Variants in PPARGC1A observed in about 807,000 individuals in gnomAD.
PPARGC1A encodes peroxisome proliferator-activated receptor gamma coactivator 1-alpha.
Under a neutral mutation model 88.7 loss-of-function variants are expected in PPARGC1A, and 25 were observed. That is an observed-to-expected ratio of 0.28 (90% CI 0.21 to 0.39). The LOEUF (loss-of-function observed/expected upper bound fraction) is 0.39. PPARGC1A is among the 10% of genes least tolerant of loss of function. The probability of loss-of-function intolerance (pLI) is 1.00; values close to 1 mark genes in which losing one functional copy is unlikely to be tolerated. For synonymous variants in PPARGC1A, 363 were observed against 355.6 expected (o/e 1.02, Z -0.24); for missense variants, 880 against 968.7 (o/e 0.91, Z 1.22).
At chr4:24,391,721 T>G in the PPARGC1A span, among the ~76,000 whole-genome samples, 1 of 152,148 alleles carries the variant, frequency 6.6e-6, no homozygotes, top group South Asian at 2.1e-4. Context: ...AGAATACAGA[T>G]CGAGGCAGAA....
the PPARGC1A span, among the ~76,000 whole-genome samples, chr4:24,072,187 T>C: frequency 6.7e-6 from 1 of 148,250 alleles, no homozygotes; most frequent in African/African-American, 2.4e-5. Flanking sequence ...AAATAATTTA[T>C]ATATTAAATT....
intron 1 of PPARGC1A, among the ~76,000 whole-genome samples, chr4:23,896,879 C>T (rs1472638617): frequency 6.6e-6 from 1 of 152,164 alleles, no homozygotes; most frequent in Non-Finnish European, 1.5e-5. Flanking sequence ...ACATGGCTTC[C>T]ACTGGAGATG....
At chr4:24,198,551 A>C in the PPARGC1A span, among the ~76,000 whole-genome samples, 2 of 152,190 alleles carry the variant, frequency 1.3e-5, no homozygotes, top group Non-Finnish European at 2.9e-5. Context: ...AGTGTCAACA[A>C]GCTTACTCTC....
intron 12 of PPARGC1A, among the ~76,000 whole-genome samples, 172 bp from the exon 13 acceptor site, chr4:23,796,097 G>A (rs1442322529): frequency 1.3e-5 from 2 of 152,066 alleles, no homozygotes; most frequent in African/African-American, 4.8e-5. Context: ...AGGATGGGGA[G>A]TAGTGAGCTT....
rs746013013 is a variant in PPARGC1A, at chr4:23,829,485, C to T, written c.530G>A (p.Arg177Lys). The change falls in exon 4 of 13, where the codon AGA becomes AAA. Residue 177 changes from arginine (R) to lysine (K), a missense_variant. Transcript: ENST00000264867. ...QNHANHNHRI[R>K]TNPAIVKTEN... ...TACCTTAACAATTGCAGGGTTTGTT[C>T]TGATCCTGTGATTGTGATTTGCATG... is the stretch of plus-strand genomic sequence containing the variant. 1 of 1,613,762 alleles carries T rather than the reference C, an allele frequency of 6.2e-7. No homozygotes were observed. The highest frequency in any genetic ancestry group is 1.1e-5 in the South Asian group (1 of 91,034).
At chr4:24,143,292 C>CTA in the PPARGC1A span, among the ~76,000 whole-genome samples, 2 of 152,148 alleles carry the variant, frequency 1.3e-5, no homozygotes, top group African/African-American at 4.8e-5. Flanking sequence ...CCTCTCTCTC[C>CTA]TAACCTGACC....
At chr4:24,435,988 A>T in the PPARGC1A span, among the ~76,000 whole-genome samples, 2 of 152,176 alleles carry the variant, frequency 1.3e-5, no homozygotes, top group African/African-American at 4.8e-5. Flanking sequence ...CTTGTTTGTC[A>T]GTTTAGTAGC....
chr4:24,237,402 A>C, the PPARGC1A span, among the ~76,000 whole-genome samples: 1 of 152,150 alleles, frequency 6.6e-6, no homozygotes, highest in Non-Finnish European at 1.5e-5. Flanking sequence ...TATTGTACTT[A>C]TATTTCTCAT....
At chr4:24,135,627 A>T in the PPARGC1A span, among the ~76,000 whole-genome samples, 2 of 152,192 alleles carry the variant, frequency 1.3e-5, no homozygotes, top group African/African-American at 4.8e-5. Context: ...AAATGTTTGC[A>T]GATGCCTCCT....
At chr4:24,297,867 C>T in the PPARGC1A span, among the ~76,000 whole-genome samples, 80 of 152,246 alleles carry the variant, frequency 5.3e-4, no homozygotes, top group Admixed American at 3.6e-3. Flanking sequence ...CTGGGTCAAT[C>T]GGGTTTTTTG....
chr4:24,387,903 A>G, the PPARGC1A span, among the ~76,000 whole-genome samples: 1 of 28,078 alleles, frequency 3.6e-5, no homozygotes, highest in Non-Finnish European at 8.0e-5. Flanking sequence ...AGAAAAAGAA[A>G]GAGAAAGAAA....
the PPARGC1A span, among the ~76,000 whole-genome samples, chr4:24,229,408 C>G: frequency 4.0e-5 from 6 of 150,756 alleles, no homozygotes; most frequent in Non-Finnish European, 8.9e-5. Flanking sequence ...CTCGGCCTCC[C>G]AAAGTGCTGG....
chr4:24,074,490 A>T, the PPARGC1A span, among the ~76,000 whole-genome samples: 1 of 152,154 alleles, frequency 6.6e-6, no homozygotes, highest in East Asian at 1.9e-4. Context: ...ATAATGGTCA[A>T]ATAAAATTAT....
the PPARGC1A span, among the ~76,000 whole-genome samples, chr4:24,083,669 C>G: frequency 6.6e-6 from 1 of 152,258 alleles, no homozygotes; most frequent in Non-Finnish European, 1.5e-5. Flanking sequence ...CAGAACAGTT[C>G]ACCTCTGTTG....
chr4:24,181,790 G>A, the PPARGC1A span, among the ~76,000 whole-genome samples: 1 of 152,122 alleles, frequency 6.6e-6, no homozygotes, highest in Non-Finnish European at 1.5e-5. Flanking sequence ...CTGTAATCAA[G>A]CAAGAAAATC....
At chr4:23,903,647 C>T (rs565882268), upstream of PPARGC1A, among the ~76,000 whole-genome samples, 1 of 152,138 alleles carries the variant, frequency 6.6e-6, no homozygotes, top group Non-Finnish European at 1.5e-5. Flanking sequence ...CCCCAGAAAA[C>T]TGGAGCAGTG....
chr4:24,317,969 C>T, the PPARGC1A span, among the ~76,000 whole-genome samples: 10 of 152,096 alleles, frequency 6.6e-5, no homozygotes, highest in African/African-American at 9.7e-5. Flanking sequence ...GCAGGCAAGT[C>T]GGTAACTATG....
At chr4:23,860,613 T>C (rs1731076814) in intron 2 of PPARGC1A, among the ~76,000 whole-genome samples, 2 of 152,186 alleles carry the variant, frequency 1.3e-5, no homozygotes, top group Non-Finnish European at 2.9e-5. Flanking sequence ...AATAAGTCTC[T>C]GATAACAGCA....
the PPARGC1A span, among the ~76,000 whole-genome samples, chr4:24,118,765 T>G: frequency 6.6e-6 from 1 of 152,080 alleles, no homozygotes; most frequent in African/African-American, 2.4e-5. Flanking sequence ...CATATACACA[T>G]GGGATATTTA....
Sources: allele counts gnomAD v4.1 joint callset (sites outside exome capture counted in the v4.1 genomes callset), GRCh38; gene constraint gnomAD v4.1.1; transcripts MANE v1.5; gene names NCBI Gene and HGNC (gene_info 2026-07-23, HGNC 2026-07-21).